The following ROS1 variants were observed in gnomAD, a reference collection of about 807,000 sequenced individuals.
The protein encoded by ROS1 is ROS proto-oncogene 1, receptor tyrosine kinase, also known as proto-oncogene tyrosine-protein kinase ROS.
In ROS1, 263 loss-of-function variants were observed where a neutral mutation model predicts 273.5. The ratio of observed to expected loss-of-function variants is 0.96; its 90% CI spans 0.87 to 1.06. The LOEUF (loss-of-function observed/expected upper bound fraction) is 1.06, where lower values mean the gene tolerates loss of function less well. ROS1 is among the 50% of genes least tolerant of loss of function. The probability of loss-of-function intolerance (pLI) is 0.00; values close to 1 mark genes in which losing one functional copy is unlikely to be tolerated. For synonymous variants in ROS1, 1,008 were observed against 954.1 expected (o/e 1.06, Z -1.04); for missense variants, 2,833 against 2,751.1 (o/e 1.03, Z -0.67).
At chr6:117,393,138 C>T (rs545232618) in intron 12 of ROS1, 86 bp downstream of exon 12, 2 of 837,594 alleles carry the variant, frequency 2.4e-6, no homozygotes, top group South Asian at 2.8e-5. Flanking sequence ...TCATCTGGTA[C>T]TACAATGTTT....
intron 17 of ROS1, among the ~76,000 whole-genome samples, chr6:117,380,617 C>CTACAA (rs1403087065): frequency 1.3e-5 from 2 of 151,834 alleles, no homozygotes; most frequent in Admixed American, 1.3e-4. Context: ...AAAGGAGATT[C>CTACAA]TACAATTTTT....
intron 7 of ROS1, among the ~76,000 whole-genome samples, chr6:117,398,198 G>A (rs1773651069): frequency 6.6e-6 from 1 of 151,964 alleles, no homozygotes; most frequent in Admixed American, 6.6e-5. Flanking sequence ...ATGCCCAAAT[G>A]TGATCTTCCA....
chr6:117,417,618 T>C (rs894563050), intron 2 of ROS1, among the ~76,000 whole-genome samples: 3 of 152,202 alleles, frequency 2.0e-5, no homozygotes, highest in African/African-American at 7.2e-5. Context: ...TGTGGCTCCA[T>C]GTAACTTGGC....
intron 33 of ROS1, 127 bp downstream of exon 33, chr6:117,329,202 A>T (rs920730506): frequency 3.2e-6 from 2 of 631,532 alleles, no homozygotes; most frequent in Non-Finnish European, 5.6e-6. Context: ...GATGCATGTG[A>T]GTCCTTTAAC....
At chr6:117,312,617 A>G (rs1208763622) in intron 39 of ROS1, among the ~76,000 whole-genome samples, 1 of 152,004 alleles carries the variant, frequency 6.6e-6, no homozygotes, top group Non-Finnish European at 1.5e-5. Flanking sequence ...CCCTAATTTC[A>G]GTCTGGTGGC....
At chr6:117,325,406 G>C (rs1776562087) in intron 34 of ROS1, among the ~76,000 whole-genome samples, 1 of 152,150 alleles carries the variant, frequency 6.6e-6, no homozygotes, top group African/African-American at 2.4e-5. Context: ...TTACTGGTCT[G>C]ATATGGCTAC....
At chr6:117,414,022 G>A (rs201492512) in intron 4 of ROS1, among the ~76,000 whole-genome samples, 2 of 80,344 alleles carry the variant, frequency 2.5e-5, no homozygotes, top group African/African-American at 8.6e-5. Flanking sequence ...GGGAGAAAGA[G>A]AGGAAGAAAG....
chr6:117,336,535 G>A (rs1408160720), intron 32 of ROS1, among the ~76,000 whole-genome samples: 1 of 152,112 alleles, frequency 6.6e-6, no homozygotes, highest in Non-Finnish European at 1.5e-5. Flanking sequence ...AGTATGCCAT[G>A]GTGTATATGT....
intron 5 of ROS1, among the ~76,000 whole-genome samples, chr6:117,406,207 T>C (rs1273968853): frequency 6.6e-6 from 1 of 151,492 alleles, no homozygotes; most frequent in Non-Finnish European, 1.5e-5. Flanking sequence ...ATATTTTGTA[T>C]ATGCAAATAT....
At chr6:117,342,283 T>A (rs1309311519) in intron 29 of ROS1, 117 bp downstream of exon 29, 1 of 1,018,470 alleles carries the variant, frequency 9.8e-7, no homozygotes. Context: ...CTTATTAAAC[T>A]TAAAAAAGCT....
At chr6:117,354,660 CTTTCTAAT>C (rs1779150820) in intron 26 of ROS1, among the ~76,000 whole-genome samples, 1 of 152,068 alleles carries the variant, frequency 6.6e-6, no homozygotes, top group Non-Finnish European at 1.5e-5. Flanking sequence ...TCCCTAAAAT[CTTTCTAAT>C]TTTCTAATTT....
intron 16 of ROS1, among the ~76,000 whole-genome samples, chr6:117,384,245 A>G (rs1346571959): frequency 6.6e-6 from 1 of 152,166 alleles, no homozygotes; most frequent in Non-Finnish European, 1.5e-5. Flanking sequence ...AGATTGTACC[A>G]TATTGCTTTG....
In ROS1 at chr6:117,393,473, G is replaced by A. The variant is rs78481243; in HGVS notation, c.1192-152C>T. 3.8e-3 allele frequency: 2,261 copies of A among 590,770 alleles called. 11 individuals carry two copies. Among genetic ancestry groups the A allele is most frequent in the Middle Eastern group, 0.024 (52 of 2,194 alleles). The allele number at this position is 590,770 out of a possible 1,614,324, so 36.6% of individuals were successfully genotyped here. A position where few individuals can be genotyped will look rare whatever the true frequency, so the allele number is the denominator to read the frequency against. On this transcript the variant is annotated intron_variant, in intron 11 of 43. Transcript: ENST00000368507. ...AATGAGCAAAAAAAAGCCCTTAAAC[G>A]ACAGTTTTATATCCTATATCCTAAT...
At chr6:117,387,050 T>C in intron 14 of ROS1, 51 bp from the exon 15 acceptor site, 1 of 994,254 alleles carries the variant, frequency 1.0e-6, no homozygotes. Flanking sequence ...GCAAACTCTT[T>C]AAAGGTATCT....
intron 35 of ROS1, among the ~76,000 whole-genome samples, chr6:117,322,059 G>A (rs1350147487): frequency 1.3e-5 from 2 of 151,876 alleles, no homozygotes; most frequent in African/African-American, 4.8e-5. Context: ...TATGTCAATA[G>A]GATTGTCATC....
intron 43 of ROS1, among the ~76,000 whole-genome samples, chr6:117,296,436 T>C (rs1774248753): frequency 6.6e-6 from 1 of 151,844 alleles, no homozygotes; most frequent in African/African-American, 2.4e-5. Context: ...GAAAATGTGG[T>C]ATATGCATAT....
intron 1 of ROS1, among the ~76,000 whole-genome samples, chr6:117,424,178 A>G (rs770406838): frequency 2.0e-5 from 3 of 152,232 alleles, no homozygotes; most frequent in Non-Finnish European, 4.4e-5. Context: ...TTATGGTGGT[A>G]CATTCATATA....
chr6:117,349,259 T>C (rs1450774859), intron 27 of ROS1, among the ~76,000 whole-genome samples: 1 of 152,034 alleles, frequency 6.6e-6, no homozygotes, highest in Non-Finnish European at 1.5e-5. Context: ...TGCTCTGTTG[T>C]TAGAGATATA....
In ROS1 at chr6:117,414,686, C is replaced by T. The variant is rs1030794365; in HGVS notation, c.229-141G>A. ...CAAAAAAACAACAGAAACAAGGGAGCCCAGAGCAGGACCCCCTGTCTAGGC... is the reference window on the plus strand; with the variant it reads ...CAAAAAAACAACAGAAACAAGGGAGTCCAGAGCAGGACCCCCTGTCTAGGC... On this transcript the variant is annotated intron_variant, in intron 3 of 43. Transcript: ENST00000368507. 40 of 557,908 alleles carry T rather than the reference C, an allele frequency of 7.2e-5. No individual in the cohort carries two copies. In the African/African-American group the frequency reaches 7.5e-4, roughly 10 times the overall value. 34.6% of individuals were successfully genotyped at this position (557,908 alleles called of 1,614,324 possible).
Sources: allele counts gnomAD v4.1 joint callset (sites outside exome capture counted in the v4.1 genomes callset), GRCh38; gene constraint gnomAD v4.1.1; transcripts MANE v1.5; gene names NCBI Gene and HGNC (gene_info 2026-07-23, HGNC 2026-07-21).